The following PSD3 variants were observed in gnomAD, a reference collection of about 807,000 sequenced individuals.
The protein encoded by PSD3 is pleckstrin and Sec7 domain containing 3, also known as PH and SEC7 domain-containing protein 3.
PSD3 carries 49 observed loss-of-function variants against 105.5 expected under a neutral mutation model. That is an observed-to-expected ratio of 0.46 (90% CI 0.37 to 0.59). The LOEUF (loss-of-function observed/expected upper bound fraction) is 0.59. PSD3 is among the 20% of genes least tolerant of loss of function. The pLI, the probability that PSD3 is intolerant of heterozygous loss-of-function variation, is 0.00. For synonymous variants in PSD3, 557 were observed against 457.8 expected (o/e 1.22, Z -2.77); for missense variants, 1,561 against 1,263.8 (o/e 1.24, Z -3.57).
intron 4 of PSD3, among the ~76,000 whole-genome samples, chr8:18,843,935 A>G (rs1398895603): frequency 8.0e-6 from 1 of 124,828 alleles, no homozygotes; most frequent in African/African-American, 3.1e-5. Context: ...TTTTTTTTTT[A>G]CCCAAGGCAA....
At chr8:18,864,442 G>A (rs933340423) in intron 4 of PSD3, among the ~76,000 whole-genome samples, 21 of 152,188 alleles carry the variant, frequency 1.4e-4, no homozygotes, top group Admixed American at 6.5e-5. Context: ...ACACAATTAT[G>A]TTCAGAGACT....
Position 18,872,036 on chromosome 8 carries a change from A to C in PSD3, c.828T>G (p.Leu276=), listed in dbSNP as rs749668448. ...VGFLKEQRSA[L]GREHPGGCDR... Reference sequence around the variant, plus strand: ...CACATCCCCCTGGGTGCTCTCTCCCAAGAGCAGACCTCTGCTCTTTCAAGA... The same window carrying C: ...CACATCCCCCTGGGTGCTCTCTCCCCAGAGCAGACCTCTGCTCTTTCAAGA... The change falls in exon 3 of 16, where the codon CTT becomes CTG. Residue 276 remains leucine (L), a synonymous_variant. Transcript: ENST00000327040. The C allele has an allele frequency of 1.2e-6, 2 of 1,614,124 alleles. No individual in the cohort carries two copies. The highest frequency in any genetic ancestry group is 3.3e-5 in the Admixed American group (2 of 60,026).
chr8:18,539,797 C>A (rs1291552967), intron 15 of PSD3, among the ~76,000 whole-genome samples: 6 of 151,962 alleles, frequency 3.9e-5, no homozygotes, highest in Non-Finnish European at 8.8e-5. Flanking sequence ...CCGCCTGCCT[C>A]GGCCTCTCAA....
chr8:18,544,923 C>A (rs1800368100), intron 15 of PSD3, among the ~76,000 whole-genome samples: 1 of 152,182 alleles, frequency 6.6e-6, no homozygotes, highest in African/African-American at 2.4e-5. Flanking sequence ...ACGCTCCCCA[C>A]CTCCAGGCCC....
At chr8:18,850,587 A>G (rs905990663) in intron 4 of PSD3, among the ~76,000 whole-genome samples, 2 of 152,322 alleles carry the variant, frequency 1.3e-5, no homozygotes, top group East Asian at 3.9e-4. Flanking sequence ...ATGTTTTCTA[A>G]GACAATTGTC....
At chr8:18,700,231 C>T (rs1329539724) in intron 9 of PSD3, among the ~76,000 whole-genome samples, 1 of 151,972 alleles carries the variant, frequency 6.6e-6, no homozygotes, top group Admixed American at 6.6e-5. Context: ...TCCCTGTTTC[C>T]CTTTAAAAAC....
chr8:18,658,675 T>C (rs1210741118), intron 9 of PSD3, among the ~76,000 whole-genome samples: 1 of 151,964 alleles, frequency 6.6e-6, no homozygotes, highest in African/African-American at 2.4e-5. Flanking sequence ...CCTATATAAC[T>C]CTTGATCAAT....
chr8:19,005,138 C>T (rs952265547), intron 1 of PSD3, among the ~76,000 whole-genome samples: 11 of 152,062 alleles, frequency 7.2e-5, no homozygotes, highest in African/African-American at 2.7e-4. Flanking sequence ...AGAATGGCTA[C>T]AAAACTTGTA....
chr8:18,631,515 T>G (rs1014606192), intron 11 of PSD3, among the ~76,000 whole-genome samples: 24 of 152,076 alleles, frequency 1.6e-4, no homozygotes, highest in Middle Eastern at 3.4e-3. Context: ...AGAATAATGC[T>G]GACACAAAAA....
intron 1 of PSD3, among the ~76,000 whole-genome samples, chr8:19,072,478 T>A (rs1211224832): frequency 6.6e-6 from 1 of 152,212 alleles, no homozygotes; most frequent in African/African-American, 2.4e-5. Flanking sequence ...TTATGGAGAA[T>A]TAAGACATTA....
In PSD3 at chr8:18,867,707, G is replaced by A. The variant is rs372040916; in HGVS notation, c.1601C>T (p.Thr534Met). Residue 534 changes from threonine to methionine, a missense_variant, in exon 4 of 16, where the codon ACG becomes ATG. Transcript: ENST00000327040. ...GLNDASDSIYTKGTPEIAFWG... is the reference protein window; with the variant it reads ...GLNDASDSIYMKGTPEIAFWG... ...GAAAGCAATCTCCGGGGTGCCTTTCGTGTAGATGGAGTCGCTGGCATCATT... is the reference window on the plus strand; with the variant it reads ...GAAAGCAATCTCCGGGGTGCCTTTCATGTAGATGGAGTCGCTGGCATCATT... 27 of 1,613,862 alleles carry A rather than the reference G, an allele frequency of 1.7e-5. No homozygotes were observed. The highest frequency in any genetic ancestry group is 6.7e-5 in the African/African-American group (5 of 75,026).
chr8:18,950,648 G>C (rs752619230), intron 1 of PSD3, among the ~76,000 whole-genome samples: 1 of 152,022 alleles, frequency 6.6e-6, no homozygotes, highest in Non-Finnish European at 1.5e-5. Flanking sequence ...TTTATGCCCA[G>C]CTTATTTCCT....
intron 4 of PSD3, among the ~76,000 whole-genome samples, chr8:18,822,879 C>G (rs1460042177): frequency 6.6e-6 from 1 of 152,106 alleles, no homozygotes; most frequent in South Asian, 2.1e-4. Flanking sequence ...AAGTTTACAG[C>G]ACAAGAATAT....
At chr8:18,821,713 A>ACACACACACACC (rs1411533064) in intron 4 of PSD3, among the ~76,000 whole-genome samples, 1 of 142,806 alleles carries the variant, frequency 7.0e-6, no homozygotes, top group Admixed American at 7.4e-5. Flanking sequence ...ACACACACAC[A>ACACACACACACC]CACACCCCAA....
At chr8:18,847,873 G>C (rs1211501455) in intron 4 of PSD3, among the ~76,000 whole-genome samples, 1 of 152,176 alleles carries the variant, frequency 6.6e-6, no homozygotes, top group Non-Finnish European at 1.5e-5. Context: ...CCTCCTCCAT[G>C]AATGGCTAGT....
chr8:18,762,860 AAAC>A, intron 9 of PSD3: 7 of 1,156,254 alleles, frequency 6.1e-6, no homozygotes, highest in Non-Finnish European at 7.8e-6. Flanking sequence ...TCTCTTCAGA[AAAC>A]AACTACAACA....
At chr8:18,808,794 C>T (rs1026332451) in intron 4 of PSD3, 12 of 1,613,880 alleles carry the variant, frequency 7.4e-6, no homozygotes, top group African/African-American at 6.7e-5. Context: ...CATCGCAACC[C>T]CTGGGGTGCG....
At chr8:18,983,575 G>C in intron 1 of PSD3, among the ~76,000 whole-genome samples, 1 of 152,276 alleles carries the variant, frequency 6.6e-6, no homozygotes, top group East Asian at 1.9e-4. Context: ...ATTTCATATT[G>C]TTGTGTCTCA....
chr8:18,661,790 C>G (rs1176845977), intron 9 of PSD3, among the ~76,000 whole-genome samples: 1 of 152,064 alleles, frequency 6.6e-6, no homozygotes, highest in Admixed American at 6.6e-5. Flanking sequence ...ACAGGTAGAT[C>G]CATTTTAGGG....
Sources: allele counts gnomAD v4.1 joint callset (sites outside exome capture counted in the v4.1 genomes callset), GRCh38; gene constraint gnomAD v4.1.1; transcripts MANE v1.5; gene names NCBI Gene and HGNC (gene_info 2026-07-23, HGNC 2026-07-21).